ATP1A4: variants seen among roughly 807,000 people sequenced by gnomAD.
ATP1A4 encodes sodium/potassium-transporting ATPase subunit alpha-4.
Under a neutral mutation model 114.3 loss-of-function variants are expected in ATP1A4, and 90 were observed. The observed-to-expected ratio is 0.79, with a 90% CI of 0.66 to 0.94. The LOEUF (loss-of-function observed/expected upper bound fraction) is 0.94, where lower values mean the gene tolerates loss of function less well. Ranked by LOEUF, ATP1A4 falls within the 40% of genes least tolerant of loss-of-function variation. ATP1A4 has a pLI of 0.00. For missense variants in ATP1A4, 1,222 were observed against 1,313.6 expected (o/e 0.93, Z 1.08); for synonymous variants, 511 against 494.1 (o/e 1.03, Z -0.45).
At position 160,164,028 on chromosome 1, in the gene ATP1A4, G is replaced by C. The variant is rs984940825; in HGVS notation, c.779-128G>C. 1.7e-5 allele frequency: 21 copies of C among 1,218,900 alleles called. No individual in the cohort carries two copies. The African/African-American group carries it at 3.2e-4, about 19-fold the overall frequency. The allele number at this position is 1,218,900 out of a possible 1,614,324, so 75.5% of individuals were successfully genotyped here. A position where few individuals can be genotyped will look rare whatever the true frequency, so the allele number is the denominator to read the frequency against. ...TCAAAGACCAAATATTAGAACAAAA[G>C]ATTCTCCTAGCACCCCTATCTTTAA... is the stretch of plus-strand genomic sequence containing the variant. On this transcript the variant is annotated intron_variant, in intron 6 of 21. Coordinates refer to ENST00000368081, the MANE Select transcript of ATP1A4 (RefSeq NM_144699.4).
chr1:160,166,695 G>A lies in ATP1A4; in HGVS notation c.1215G>A (p.Val405=), dbSNP rs564367194. The change falls in exon 8 of 22, where the codon GTG becomes GTA. Residue 405 remains valine (V), a synonymous_variant. Coordinates refer to ENST00000368081, the MANE Select transcript of ATP1A4 (RefSeq NM_144699.4). ...CCCACATGTGGTTTGATATGACCGT[G>A]TATGAGGCCGACACCACTGAAGAAC... ...TVAHMWFDMT[V]YEADTTEEQT... is the part of the protein sequence containing the mutation. 4.3e-5 allele frequency: 70 copies of A among 1,614,182 alleles called. No homozygotes were observed. In the South Asian group the frequency reaches 7.1e-4, roughly 16 times the overall value.
intron 10 of ATP1A4, among the ~76,000 whole-genome samples, chr1:160,168,052 A>G (rs931295425): frequency 6.6e-6 from 1 of 152,188 alleles, no homozygotes; most frequent in Non-Finnish European, 1.5e-5. Context: ...TTCATTTCCC[A>G]GGAACATTTT....
chr1:160,180,571 T>A (rs913725531), intron 18 of ATP1A4, among the ~76,000 whole-genome samples: 1 of 152,110 alleles, frequency 6.6e-6, no homozygotes, highest in Non-Finnish European at 1.5e-5. Flanking sequence ...AACAAATGAA[T>A]GAATGAATGT....
Position 160,174,270 on chromosome 1 carries a change from C to T in ATP1A4, c.2142+9C>T, listed in dbSNP as rs775920674. The T allele has an allele frequency of 2.4e-5, 38 of 1,613,788 alleles. No homozygotes were observed. Among genetic ancestry groups the T allele is most frequent in the South Asian group, 2.3e-4 (21 of 91,056 alleles). On this transcript the variant is annotated intron_variant, in intron 14 of 21. Coordinates refer to ENST00000368081, the MANE Select transcript of ATP1A4 (RefSeq NM_144699.4). ...AGGGATGTCAGAGGCTGGTAAGGAA[C>T]GAAAAGGAGCCCCAAGGAAACTGGC...
intron 6 of ATP1A4, 119 bp downstream of exon 6, chr1:160,159,645 C>T: frequency 2.5e-6 from 2 of 814,744 alleles, no homozygotes; most frequent in Non-Finnish European, 3.9e-6. Flanking sequence ...TCGAGCTTCT[C>T]CATCACGAGC....
chr1:160,173,369 T>C (rs1246806056), intron 12 of ATP1A4, among the ~76,000 whole-genome samples: 2 of 152,208 alleles, frequency 1.3e-5, no homozygotes, highest in African/African-American at 2.4e-5. Context: ...AGGACCCAAA[T>C]TGTCCTGTTT....
At chr1:160,165,649 G>A (rs1368919733) in intron 7 of ATP1A4, among the ~76,000 whole-genome samples, 1 of 152,100 alleles carries the variant, frequency 6.6e-6, no homozygotes, top group Non-Finnish European at 1.5e-5. Context: ...TGTAGTCCCA[G>A]CTACTTGGGA....
Position 160,176,072 on chromosome 1 carries a change from A to T in ATP1A4, c.2312-20A>T. 1.2e-6 allele frequency: 2 copies of T among 1,613,846 alleles called. No individual in the cohort carries two copies. The highest frequency in any genetic ancestry group is 1.6e-4 in the Middle Eastern group (1 of 6,062). ...GTGTTCTCCCAGGGCTTCTCACAGG[A>T]GGTTGACCTTCCTCCCCAGGCCGCC... On this transcript the variant is annotated intron_variant, in intron 15 of 21. Transcript: ENST00000368081.
At position 160,182,035 on chromosome 1, in the gene ATP1A4, A is replaced by T; in HGVS notation, c.2969+4A>T. 1 of 1,609,056 alleles carries T rather than the reference A, an allele frequency of 6.2e-7. No individual in the cohort carries two copies. Among genetic ancestry groups the T allele is most frequent in the Non-Finnish European group, 8.5e-7 (1 of 1,175,438 alleles). The stretch of plus-strand genomic sequence containing the variant: ...CCCTGCGAATGTACCCACTCAAGTG[A>T]GTAAGGGAAGGGATGCAAGCAGGGG... On this transcript the variant is annotated splice_donor_region_variant and intron_variant, in intron 20 of 21. Coordinates refer to ENST00000368081, the MANE Select transcript of ATP1A4 (RefSeq NM_144699.4).
intron 4 of ATP1A4, among the ~76,000 whole-genome samples, chr1:160,158,094 G>A (rs768556207): frequency 5.9e-5 from 9 of 151,826 alleles, no homozygotes; most frequent in Non-Finnish European, 1.2e-4. Flanking sequence ...TTTAGGCATG[G>A]TCGGTTAGCT....
Position 160,186,774 on chromosome 1 carries a change from G to C in ATP1A4, c.*75G>C, listed in dbSNP as rs1351898141. The stretch of plus-strand genomic sequence containing the variant: ...GGATGGGGCCAGAGATTATAAGTTT[G>C]ACACAACATCTGAGACACTAGGATG... On this transcript the variant is annotated 3_prime_UTR_variant, in exon 22 of 22. Transcript: ENST00000368081. 6.9e-7 allele frequency: 1 copy of C among 1,458,836 alleles called. No individual in the cohort carries two copies. The highest frequency in any genetic ancestry group is 1.4e-5 in the African/African-American group (1 of 71,390). 90.4% of individuals were successfully genotyped at this position (1,458,836 alleles called of 1,614,324 possible).
At chr1:160,178,211 C>T (rs1653554677) in intron 18 of ATP1A4, among the ~76,000 whole-genome samples, 3 of 151,596 alleles carry the variant, frequency 2.0e-5, no homozygotes, top group South Asian at 2.1e-4. Flanking sequence ...CAAAATTAGC[C>T]GGGCGTGGTG....
intron 9 of ATP1A4, 98 bp from the exon 10 acceptor site, chr1:160,167,180 C>A (rs553453411): frequency 6.4e-7 from 1 of 1,561,898 alleles, no homozygotes; most frequent in Non-Finnish European, 8.8e-7. Context: ...CCCAGGTACC[C>A]GCCCTCCCCA....
At position 160,166,658 on chromosome 1, in the gene ATP1A4, G is replaced by A. The variant is rs139315814; in HGVS notation, c.1178G>A (p.Arg393His). The change falls in exon 8 of 22, where the codon CGC becomes CAC. Residue 393 changes from arginine (R) to histidine (H), a missense_variant. Arg to His is a conservative substitution (Grantham distance 29). Transcript: ENST00000368081. ...AAGACGGGCACCCTCACCCAGAACCGCATGACCGTCGCCCACATGTGGTTT... is the reference window on the plus strand; with the variant it reads ...AAGACGGGCACCCTCACCCAGAACCACATGACCGTCGCCCACATGTGGTTT... Reference protein sequence around the residue: ...SDKTGTLTQNRMTVAHMWFDM... With the variant: ...SDKTGTLTQNHMTVAHMWFDM... 3.2e-5 allele frequency: 51 copies of A among 1,614,050 alleles called. No individual in the cohort carries two copies. Among genetic ancestry groups the A allele is most frequent in the Middle Eastern group, 1.6e-4 (1 of 6,084 alleles).
At chr1:160,176,728 A>T in intron 17 of ATP1A4, 126 bp downstream of exon 17, 1 of 1,265,726 alleles carries the variant, frequency 7.9e-7, no homozygotes. Flanking sequence ...AGGCCCTGAA[A>T]ACACAAAGAA....
chr1:160,177,705 G>C, intron 18 of ATP1A4, 41 bp downstream of exon 18: 1 of 1,610,226 alleles, frequency 6.2e-7, no homozygotes, highest in Middle Eastern at 1.7e-4. Context: ...ACCAGTAAGA[G>C]TGAGAGTGAC....
At chr1:160,153,062 G>C in intron 1 of ATP1A4, 103 bp from the exon 2 acceptor site, 1 of 903,486 alleles carries the variant, frequency 1.1e-6, no homozygotes, top group South Asian at 1.4e-5. Flanking sequence ...ACAAAATGGA[G>C]CAGTCTCAGT....
chr1:160,184,200 C>T (rs948585076), intron 20 of ATP1A4, among the ~76,000 whole-genome samples: 9 of 152,090 alleles, frequency 5.9e-5, no homozygotes, highest in African/African-American at 1.9e-4. Context: ...ATCCGCCTGC[C>T]TCTGCCTCCC....
In ATP1A4 at chr1:160,174,679, C is replaced by T; in HGVS notation, c.2243C>T (p.Ser748Phe). 2 of 1,614,188 alleles carry T rather than the reference C, an allele frequency of 1.2e-6. No individual in the cohort carries two copies. The highest frequency in any genetic ancestry group is 1.7e-6 in the Non-Finnish European group (2 of 1,180,040). Reference sequence around the variant, plus strand: ...ATGGGCATCTCTGGCTCTGACGTCTCTAAGCAGGCAGCCGACATGATCCTG... The same window carrying T: ...ATGGGCATCTCTGGCTCTGACGTCTTTAAGCAGGCAGCCGACATGATCCTG... ...IAMGISGSDVSKQAADMILLD... is the reference protein window; with the variant it reads ...IAMGISGSDVFKQAADMILLD... Residue 748 changes from serine to phenylalanine, a missense_variant, in exon 15 of 22, where the codon TCT becomes TTT. Ser to Phe is a radical substitution (Grantham distance 155). Transcript: ENST00000368081.
Sources: allele counts gnomAD v4.1 joint callset (sites outside exome capture counted in the v4.1 genomes callset), GRCh38; gene constraint gnomAD v4.1.1; transcripts MANE v1.5; gene names NCBI Gene and HGNC (gene_info 2026-07-23, HGNC 2026-07-21).